Variants in STK32C observed in about 807,000 individuals in gnomAD.
STK32C encodes the protein serine/threonine kinase 32C, also known as serine/threonine-protein kinase 32C.
A neutral mutation model predicts 56.5 loss-of-function variants in STK32C; 31 were observed. That is an observed-to-expected ratio of 0.55 (90% confidence interval 0.41 to 0.74). The LOEUF is 0.74. Among genes scored for constraint, STK32C ranks in the 30% least tolerant of loss-of-function variants. The pLI is 0.00. For missense variants in STK32C, 544 were observed against 676.9 expected (o/e 0.80, Z 2.18); for synonymous variants, 309 against 289.4 (o/e 1.07, Z -0.69).
At chr10:132,309,664 C>G (rs2066183740), upstream of STK32C, among the ~76,000 whole-genome samples, 1 of 152,120 alleles carries the variant, frequency 6.6e-6, no homozygotes, top group Admixed American at 6.5e-5. Flanking sequence ...TCAGAGGAAG[C>G]CCTCGGTGCC....
chr10:132,280,473 AC>A (rs2065148270), intron 1 of STK32C, among the ~76,000 whole-genome samples: 1 of 130,170 alleles, frequency 7.7e-6, no homozygotes, highest in Non-Finnish European at 1.6e-5. Context: ...ACGCCCCTGC[AC>A]TCCGTGATCA....
upstream of STK32C, among the ~76,000 whole-genome samples, chr10:132,311,417 G>T (rs958257982): frequency 6.6e-6 from 1 of 152,234 alleles, no homozygotes; most frequent in Non-Finnish European, 1.5e-5. The surrounding 1 kb of genome is among the most constrained non-coding windows in gnomAD (Gnocchi z 4.4). Context: ...ACAGATGGCC[G>T]TGGCGCCCTC....
Position 132,208,109 on chromosome 10 carries a change from G to C in STK32C, c.1362C>G (p.Ala454=), listed in dbSNP as rs755009289. The C allele has an allele frequency of 3.0e-5, 39 of 1,311,100 alleles. No homozygotes were observed. The highest frequency in any genetic ancestry group is 3.8e-5 in the Non-Finnish European group (39 of 1,021,432). 81.2% of individuals were successfully genotyped at this position (1,311,100 alleles called of 1,614,324 possible). ...SQDLPREPLP[A]PESRDAAEPV... ...GCTCCGCAGCATCCCTGGACTCAGG[G>C]GCGGGGAGAGGCTCCCTCGGGAGGT... The change falls in exon 12 of 12, where the codon GCC becomes GCG. Residue 454 remains alanine, a synonymous_variant. Transcript: ENST00000298630.
downstream of STK32C, among the ~76,000 whole-genome samples, chr10:132,322,953 C>G (rs1325702898): frequency 6.6e-6 from 1 of 152,072 alleles, no homozygotes. Flanking sequence ...CTTACGAAAC[C>G]AAAAAGAACA....
chr10:132,320,471 A>G (rs2066385048), downstream of STK32C, among the ~76,000 whole-genome samples: 1 of 152,216 alleles, frequency 6.6e-6, no homozygotes, highest in Admixed American at 6.5e-5. Flanking sequence ...GGGTGGGTCC[A>G]CAGGAGACCC....
At chr10:132,208,547 C>A (rs541490708) in intron 11 of STK32C, among the ~76,000 whole-genome samples, 4 of 152,214 alleles carry the variant, frequency 2.6e-5, no homozygotes, top group African/African-American at 9.7e-5. Context: ...CTCAGACCCA[C>A]CTCCTCCAGG....
rs1368915056 is a variant in STK32C, at chr10:132,225,214, G to C, written c.876+19C>G. 1 of 1,579,642 alleles carries C rather than the reference G, an allele frequency of 6.3e-7. No individual in the cohort carries two copies. The highest frequency in any genetic ancestry group is 2.3e-5 in the East Asian group (1 of 43,822). On this transcript the variant is annotated intron_variant, in intron 7 of 11. Coordinates refer to ENST00000298630, the MANE Select transcript of STK32C (RefSeq NM_173575.4). ...CAGGGGCCTGGCAGCCAAGCCCAGG[G>C]GCTGCAGGGGGTCCATACCCATCCT...
downstream of STK32C, among the ~76,000 whole-genome samples, chr10:132,320,354 G>C (rs1227095227): frequency 2.6e-5 from 4 of 152,072 alleles, no homozygotes; most frequent in Non-Finnish European, 5.9e-5. Flanking sequence ...ACCTGACTCA[G>C]CTTGAATCTG....
At chr10:132,227,617 GTGGTGA>G (rs60944917) in intron 3 of STK32C, among the ~76,000 whole-genome samples, 5 of 151,520 alleles carry the variant, frequency 3.3e-5, no homozygotes, top group East Asian at 4.0e-4. Flanking sequence ...GGCGATGATG[GTGGTGA>G]TGGTGATGGT....
chr10:132,235,830 G>C (rs1041616274), intron 2 of STK32C, among the ~76,000 whole-genome samples: 1 of 152,208 alleles, frequency 6.6e-6, no homozygotes, highest in South Asian at 2.1e-4. Flanking sequence ...GCAGTGTGAT[G>C]GGATCGTAAA....
chr10:132,241,959 A>C (rs562028344), intron 2 of STK32C, among the ~76,000 whole-genome samples: 4 of 152,306 alleles, frequency 2.6e-5, no homozygotes, highest in Non-Finnish European at 4.4e-5. Flanking sequence ...ATACAAAAAA[A>C]ATTAGCTGAG....
chr10:132,281,818 G>A (rs766048863), intron 1 of STK32C, among the ~76,000 whole-genome samples: 1 of 152,236 alleles, frequency 6.6e-6, no homozygotes, highest in African/African-American at 2.4e-5. Context: ...GGAGAAGCCC[G>A]GGTGGGAGAT....
At chr10:132,289,256 C>A (rs1396081520) in intron 1 of STK32C, among the ~76,000 whole-genome samples, 1 of 152,076 alleles carries the variant, frequency 6.6e-6, no homozygotes, top group Non-Finnish European at 1.5e-5. Context: ...ACACTGTGCA[C>A]AAAAATTAAT....
chr10:132,213,501 A>T (rs1032210281), intron 10 of STK32C, among the ~76,000 whole-genome samples: 1 of 152,246 alleles, frequency 6.6e-6, no homozygotes, highest in Non-Finnish European at 1.5e-5. Context: ...GCTACAGCAG[A>T]CTTTAAACCC....
At chr10:132,331,028 C>T (rs1442856890) in intron 1 of STK32C, among the ~76,000 whole-genome samples, 1 of 150,756 alleles carries the variant, frequency 6.6e-6, no homozygotes, top group East Asian at 2.0e-4. Flanking sequence ...TGATGAAACC[C>T]CGTCTCTACT....
At chr10:132,249,089 G>C in intron 1 of STK32C, 1 of 478,080 alleles carries the variant, frequency 2.1e-6, no homozygotes, top group Non-Finnish European at 4.2e-6. Flanking sequence ...TCCCAGCTGG[G>C]AGGCAGCAGC....
chr10:132,219,852 G>A (rs1315195182), intron 10 of STK32C, among the ~76,000 whole-genome samples: 11 of 152,256 alleles, frequency 7.2e-5, no homozygotes, highest in Non-Finnish European at 1.2e-4. Flanking sequence ...GAGCAACACA[G>A]GGCCCACCAG....
At chr10:132,325,534 C>T (rs919169863) in intron 1 of STK32C, among the ~76,000 whole-genome samples, 1 of 148,320 alleles carries the variant, frequency 6.7e-6, no homozygotes, top group African/African-American at 2.5e-5. Context: ...GCCTGGGTGA[C>T]AGAGCAAGAG....
Position 132,249,088 on chromosome 10 carries a change from G to A in STK32C, c.263-3133C>T, listed in dbSNP as rs561019869. 350 of 477,902 alleles carry A rather than the reference G, an allele frequency of 7.3e-4. 1 individual carries two copies. Among genetic ancestry groups the A allele is most frequent in the Middle Eastern group, 3.3e-3 (10 of 3,072 alleles). 29.6% of individuals were successfully genotyped at this position (477,902 alleles called of 1,614,324 possible). On this transcript the variant is annotated intron_variant, in intron 1 of 11. Coordinates refer to ENST00000298630, the MANE Select transcript of STK32C (RefSeq NM_173575.4). ...CGGCTCCGGCAGAGGCTCCCAGCTG[G>A]GAGGCAGCAGCAAGGCGCATGCGTG...
Sources: allele counts gnomAD v4.1 joint callset (sites outside exome capture counted in the v4.1 genomes callset), GRCh38; gene constraint gnomAD v4.1.1; non-coding constraint Gnocchi (gnomAD v3.1); transcripts MANE v1.5; gene names NCBI Gene and HGNC (gene_info 2026-07-23, HGNC 2026-07-21).